The following PCDHA11 variants were observed in gnomAD, a reference collection of about 807,000 sequenced individuals.
PCDHA11 encodes the protein protocadherin alpha-11.
A neutral mutation model predicts 70.3 loss-of-function variants in PCDHA11; 61 were observed. That is an observed-to-expected ratio of 0.87 (90% confidence interval 0.71 to 1.07). The LOEUF is 1.07. Ranked by LOEUF, PCDHA11 falls within the 50% of genes least tolerant of loss-of-function variation. PCDHA11 has a pLI of 0.00. For missense variants in PCDHA11, 1,324 were observed against 1,237.5 expected, an observed-to-expected ratio of 1.07 and a Z score of -1.05; for synonymous variants, 633 against 555.1, an observed-to-expected ratio of 1.14 and a Z score of -1.97.
chr5:140,964,252 T>G (rs569615423), intron 1 of PCDHA11, among the ~76,000 whole-genome samples: 6 of 152,332 alleles, frequency 3.9e-5, no homozygotes, highest in African/African-American at 1.2e-4. Flanking sequence ...GGCTTTATAT[T>G]TGACTCCTTA....
chr5:140,898,887 C>T (rs1554188288), intron 1 of PCDHA11, among the ~76,000 whole-genome samples: 1 of 152,028 alleles, frequency 6.6e-6, no homozygotes, highest in Non-Finnish European at 1.5e-5. Context: ...TTGTAGTTCT[C>T]CTTGAAGAGG....
chr5:140,990,898 G>A (rs1408537294), intron 3 of PCDHA11, among the ~76,000 whole-genome samples: 3 of 152,146 alleles, frequency 2.0e-5, no homozygotes, highest in Non-Finnish European at 4.4e-5. Context: ...GGTCGTTGCT[G>A]GGTCAAGTTT....
intron 3 of PCDHA11, among the ~76,000 whole-genome samples, chr5:140,992,231 G>C (rs1234271245): frequency 1.3e-5 from 2 of 152,176 alleles, no homozygotes; most frequent in African/African-American, 4.8e-5. Context: ...CCTGGGAAGA[G>C]TAAGGAAGGA....
chr5:140,950,556 A>G (rs2094497175), intron 1 of PCDHA11, among the ~76,000 whole-genome samples: 2 of 152,036 alleles, frequency 1.3e-5, no homozygotes, highest in Non-Finnish European at 2.9e-5. Context: ...CTGGGGGGAC[A>G]CTTATTTTAA....
At chr5:140,996,947 T>C (rs1224598113) in intron 3 of PCDHA11, among the ~76,000 whole-genome samples, 2 of 152,176 alleles carry the variant, frequency 1.3e-5, no homozygotes, top group Non-Finnish European at 2.9e-5. Context: ...CATAGAAATA[T>C]TTATTTCCCT....
chr5:141,011,750 A>T lies in PCDHA11; in HGVS notation c.*1813A>T, dbSNP rs1554263628. The T allele has an allele frequency of 6.5e-6, 1 of 153,696 alleles. No individual in the cohort carries two copies. Among genetic ancestry groups the T allele is most frequent in the Non-Finnish European group, 1.5e-5 (1 of 68,036 alleles). 9.5% of individuals were successfully genotyped at this position (153,696 alleles called of 1,614,324 possible). A position where few individuals can be genotyped will look rare whatever the true frequency, so the allele number is the denominator to read the frequency against. On this transcript the variant is annotated 3_prime_UTR_variant, in exon 4 of 4. Transcript: ENST00000398640. ...TGCAAGCACAAATTTTACCAATCTG[A>T]CCTCTTTGAAGTTGCAGAATGCTTT... is the stretch of plus-strand genomic sequence containing the variant.
chr5:140,930,012 A>G (rs1369011586), intron 1 of PCDHA11: 1 of 152,208 alleles, frequency 6.6e-6, no homozygotes, highest in Non-Finnish European at 1.5e-5. Context: ...CATAGCTGAT[A>G]GCTCCATAGC....
At chr5:140,962,454 T>A (rs1554226040) in intron 1 of PCDHA11, among the ~76,000 whole-genome samples, 1 of 152,194 alleles carries the variant, frequency 6.6e-6, no homozygotes, top group Non-Finnish European at 1.5e-5. Flanking sequence ...TTGAATCTCT[T>A]ATGGCTTGAA....
intron 1 of PCDHA11, among the ~76,000 whole-genome samples, chr5:140,950,490 C>A (rs2153689793): frequency 6.6e-6 from 1 of 152,114 alleles, no homozygotes; most frequent in South Asian, 2.1e-4. Context: ...AGTGTGTAGT[C>A]ATTTAAGTCA....
intron 1 of PCDHA11, among the ~76,000 whole-genome samples, chr5:140,916,660 T>A (rs2077673786): frequency 6.6e-6 from 1 of 152,172 alleles, no homozygotes; most frequent in African/African-American, 2.4e-5. Flanking sequence ...GTATCCAAGA[T>A]GCAAGACAAA....
chr5:141,005,798 C>T (rs1236554438), intron 3 of PCDHA11, among the ~76,000 whole-genome samples: 1 of 143,634 alleles, frequency 7.0e-6, no homozygotes, highest in African/African-American at 2.6e-5. Context: ...GCAAAAACAA[C>T]TCCAAGGAGC....
intron 1 of PCDHA11, chr5:140,967,956 A>C: frequency 6.2e-7 from 1 of 1,614,172 alleles, no homozygotes; most frequent in Non-Finnish European, 8.5e-7. Context: ...TCAGGCCCCA[A>C]CCGGAAAGTG....
intron 1 of PCDHA11, chr5:140,883,883 G>A (rs1554180418): frequency 1.2e-6 from 2 of 1,613,320 alleles, no homozygotes; most frequent in South Asian, 1.1e-5. Flanking sequence ...GAGCGCGCGC[G>A]ACTCTGGCGT....
At position 140,953,880 on chromosome 5, in the gene PCDHA11, C is replaced by T. The variant is rs56350351; in HGVS notation, c.2392-25069C>T. On this transcript the variant is annotated intron_variant, in intron 1 of 3. Coordinates refer to ENST00000398640, the MANE Select transcript of PCDHA11 (RefSeq NM_018902.5). ...TGGTGGTTTGCTGCACAGATCAACCCATCACCTAGGTATTAAGCCCAGCAT... is the reference window on the plus strand; with the variant it reads ...TGGTGGTTTGCTGCACAGATCAACCTATCACCTAGGTATTAAGCCCAGCAT... Among the ~76,000 whole-genome samples, 609 of 152,246 alleles carry T rather than the reference C, an allele frequency of 4.0e-3. 7 individuals are homozygous for T. Among genetic ancestry groups the T allele is most frequent in the African/African-American group, 0.014 (577 of 41,548 alleles).
At position 140,869,081 on chromosome 5, in the gene PCDHA11, T is replaced by C; in HGVS notation, c.-23T>C. ...GTACTGTAAGTGTAAAGAAGCTTAT[T>C]TTGGAAGCCAATTTCGTATGCGATG... On this transcript the variant is annotated 5_prime_UTR_variant, in exon 1 of 4. Transcript: ENST00000398640. The C allele has an allele frequency of 6.3e-7, 1 of 1,581,722 alleles. No homozygotes were observed. The highest frequency in any genetic ancestry group is 8.6e-7 in the Non-Finnish European group (1 of 1,164,468).
At chr5:140,924,188 T>A (rs2081715328) in intron 1 of PCDHA11, among the ~76,000 whole-genome samples, 1 of 152,146 alleles carries the variant, frequency 6.6e-6, no homozygotes, top group African/African-American at 2.4e-5. Flanking sequence ...AGAAAATTAG[T>A]TTTGGTTTAG....
chr5:140,903,334 G>A (rs1451948444), intron 1 of PCDHA11, among the ~76,000 whole-genome samples: 2 of 152,132 alleles, frequency 1.3e-5, no homozygotes, highest in Non-Finnish European at 2.9e-5. Context: ...TTGAGGAAAG[G>A]ATGCATTTTA....
chr5:140,934,349 T>C (rs1466597753), intron 1 of PCDHA11, among the ~76,000 whole-genome samples: 2 of 152,202 alleles, frequency 1.3e-5, no homozygotes, highest in African/African-American at 4.8e-5. Flanking sequence ...CAGTACAGTG[T>C]GGAGCCACTG....
intron 1 of PCDHA11, among the ~76,000 whole-genome samples, chr5:140,953,196 TA>T (rs1166571162): frequency 6.6e-6 from 1 of 152,156 alleles, no homozygotes; most frequent in Non-Finnish European, 1.5e-5. Context: ...TTGATTAGAC[TA>T]AAAATGCAAA....
Sources: allele counts gnomAD v4.1 joint callset (sites outside exome capture counted in the v4.1 genomes callset), GRCh38; gene constraint gnomAD v4.1.1; transcripts MANE v1.5; gene names NCBI Gene and HGNC (gene_info 2026-07-23, HGNC 2026-07-21).